Variants in PLXNA4 observed in about 807,000 individuals in gnomAD.
PLXNA4 encodes the protein plexin A4, also known as plexin-A4.
Under a neutral mutation model 191.8 loss-of-function variants are expected in PLXNA4, and 44 were observed. The ratio of observed to expected loss-of-function variants is 0.23; its 90% CI spans 0.18 to 0.29. The LOEUF (loss-of-function observed/expected upper bound fraction) is 0.29, where lower values mean the gene tolerates loss of function less well. Ranked by LOEUF, PLXNA4 falls within the 10% of genes least tolerant of loss-of-function variation. PLXNA4 has a pLI of 1.00. For synonymous variants in PLXNA4, 1,082 were observed against 1,009.5 expected, an observed-to-expected ratio of 1.07 and a Z score of -1.36; for missense variants, 1,800 against 2,488.8, an observed-to-expected ratio of 0.72 and a Z score of 5.89.
chr7:132,154,989 C>G (rs1297059343), intron 25 of PLXNA4, among the ~76,000 whole-genome samples: 1 of 152,184 alleles, frequency 6.6e-6, no homozygotes, highest in African/African-American at 2.4e-5. Flanking sequence ...AAAATGCAAA[C>G]TGGGGAGACA....
intron 8 of PLXNA4, among the ~76,000 whole-genome samples, chr7:132,225,622 C>G (rs1224573727): frequency 1.3e-5 from 2 of 150,612 alleles, no homozygotes; most frequent in South Asian, 2.1e-4. Flanking sequence ...GTCCGCCCCC[C>G]CCCACAGCTT....
rs146065073 is a variant in PLXNA4, at chr7:132,329,965, T to G, written c.1372-31743A>C. 2.1e-4 allele frequency among the ~76,000 whole-genome samples: 32 copies of G among 152,352 alleles called. 1 individual carries two copies. In the East Asian group the frequency reaches 6.2e-3, roughly 29 times the overall value. ...GTGCTGTCCTGAGCACCACGTACCCTGTCTAAGAGACCTTAACTCTTTAGA... is the reference window on the plus strand; with the variant it reads ...GTGCTGTCCTGAGCACCACGTACCCGGTCTAAGAGACCTTAACTCTTTAGA... On this transcript the variant is annotated intron_variant, in intron 3 of 31. Coordinates refer to ENST00000321063, the MANE Select transcript of PLXNA4 (RefSeq NM_020911.2).
rs193018515 is a variant in PLXNA4 at position 132,130,578 on chromosome 7, C to T, written c.5590-4G>A. ...CGTGGTCCAGAGGTCCAAGGATCTG[C>T]GGAAGGGCCAAGAACAGGGAGATTA... On this transcript the variant is annotated splice_polypyrimidine_tract_variant and splice_region_variant and intron_variant, in intron 31 of 31. Coordinates refer to ENST00000321063, the MANE Select transcript of PLXNA4 (RefSeq NM_020911.2). The T allele has an allele frequency of 8.2e-5, 133 of 1,614,000 alleles. No homozygotes were observed. The highest frequency in any genetic ancestry group is 1.3e-4 in the African/African-American group (10 of 74,996).
chr7:132,447,901 C>T (rs1410156136), intron 3 of PLXNA4, among the ~76,000 whole-genome samples: 1 of 151,872 alleles, frequency 6.6e-6, no homozygotes, highest in Non-Finnish European at 1.5e-5. Context: ...GTCCCAGCTA[C>T]TTAGGAGGCT....
intron 3 of PLXNA4, among the ~76,000 whole-genome samples, chr7:132,477,751 C>T (rs1436952394): frequency 2.6e-4 from 39 of 152,042 alleles, no homozygotes; most frequent in Admixed American, 2.5e-3. Flanking sequence ...GGAAATAGAT[C>T]CAGCTATATT....
chr7:132,608,388 C>T (rs1042680357), intron 2 of PLXNA4, among the ~76,000 whole-genome samples: 21 of 152,216 alleles, frequency 1.4e-4, no homozygotes, highest in African/African-American at 4.3e-4. Flanking sequence ...TTGTTGGGAC[C>T]GTACTCTGTA....
At chr7:132,314,091 G>C (rs1046702649) in intron 3 of PLXNA4, among the ~76,000 whole-genome samples, 1 of 152,090 alleles carries the variant, frequency 6.6e-6, no homozygotes, top group South Asian at 2.1e-4. Flanking sequence ...TCACTTTGAG[G>C]AGCACAGGAA....
intron 1 of PLXNA4, among the ~76,000 whole-genome samples, chr7:132,512,306 C>G (rs1283534273): frequency 2.0e-5 from 3 of 152,230 alleles, no homozygotes; most frequent in Non-Finnish European, 2.9e-5. Flanking sequence ...CATGGCCAAT[C>G]AGCAGCTCTC....
chr7:132,606,774 G>A (rs1802932367), intron 2 of PLXNA4, among the ~76,000 whole-genome samples: 1 of 152,198 alleles, frequency 6.6e-6, no homozygotes, highest in Non-Finnish European at 1.5e-5. Flanking sequence ...AAATTAGGGA[G>A]GAGGGAGCAC....
At chr7:132,280,434 A>T (rs7783394) in intron 4 of PLXNA4, among the ~76,000 whole-genome samples, 1,983 of 152,370 alleles carry the variant, frequency 0.013, 44 homozygotes, top group African/African-American at 0.045. Flanking sequence ...CATATCCGTG[A>T]AAACTGCTCT....
chr7:132,275,604 G>A (rs1395785159), intron 4 of PLXNA4, among the ~76,000 whole-genome samples: 1 of 152,118 alleles, frequency 6.6e-6, no homozygotes, highest in Non-Finnish European at 1.5e-5. Flanking sequence ...TCATACTGTT[G>A]CTGTTTTATC....
rs998318518 is a variant in PLXNA4 at position 132,191,530 on chromosome 7, A to C, written c.2856+2532T>G. On this transcript the variant is annotated intron_variant, in intron 14 of 31. Transcript: ENST00000321063. The stretch of plus-strand genomic sequence containing the variant: ...AGGGCAGAGGCAGCTAAGGTTCAAA[A>C]GAAGCATCAGCTTAGTAAGTTGGAG... Among the ~76,000 whole-genome samples the C allele has an allele frequency of 7.2e-5, 11 of 152,278 alleles. No homozygotes were observed. The East Asian group carries it at 1.5e-3, about 21-fold the overall frequency.
intron 3 of PLXNA4, among the ~76,000 whole-genome samples, chr7:132,475,600 C>G (rs1406877494): frequency 6.6e-6 from 1 of 152,030 alleles, no homozygotes; most frequent in South Asian, 2.1e-4. Flanking sequence ...TCCCCCTTCC[C>G]CTGACCCAAC....
intron 3 of PLXNA4, among the ~76,000 whole-genome samples, chr7:132,473,129 G>A (rs1198335154): frequency 6.6e-6 from 1 of 152,186 alleles, no homozygotes; most frequent in African/African-American, 2.4e-5. Context: ...CCTGCAAAGG[G>A]GGGCAAGGAT....
rs559229983 is a variant in PLXNA4, at chr7:132,203,193, G to C, written c.2395+130C>G. The C allele has an allele frequency of 5.1e-6, 4 of 789,558 alleles. No homozygotes were observed. The African/African-American group carries it at 5.1e-5, about 10-fold the overall frequency. 48.9% of individuals were successfully genotyped at this position (789,558 alleles called of 1,614,324 possible). On this transcript the variant is annotated intron_variant, in intron 11 of 31. Coordinates refer to ENST00000321063, the MANE Select transcript of PLXNA4 (RefSeq NM_020911.2). The stretch of plus-strand genomic sequence containing the variant: ...ATGGTGGAGAGGCTGTGAAGGAGGG[G>C]CTCAGAGGGAGAGGGACAGCCACTA...
intron 3 of PLXNA4, among the ~76,000 whole-genome samples, chr7:132,378,077 C>T (rs1397034326): frequency 6.6e-6 from 1 of 152,168 alleles, no homozygotes. Context: ...ACCCAACCAT[C>T]ACACTCTCCT....
intron 28 of PLXNA4, chr7:132,145,521 G>C: frequency 1.8e-6 from 1 of 551,190 alleles, no homozygotes; most frequent in Non-Finnish European, 3.1e-6. Flanking sequence ...CTGGACCTAC[G>C]TAAGGCTTCC....
intron 3 of PLXNA4, among the ~76,000 whole-genome samples, chr7:132,367,397 G>A (rs1320067277): frequency 6.6e-5 from 10 of 151,996 alleles, no homozygotes; most frequent in Non-Finnish European, 1.3e-4. Context: ...AGTGGGCAGC[G>A]TACCACCCTC....
Position 132,420,313 on chromosome 7 carries a change from A to G in PLXNA4, c.1371+68979T>C, listed in dbSNP as rs145368425. Among the ~76,000 whole-genome samples the G allele has an allele frequency of 3.1e-3, 478 of 152,258 alleles. 4 individuals are homozygous for G. The highest frequency in any genetic ancestry group is 0.011 in the African/African-American group (446 of 41,550). On this transcript the variant is annotated intron_variant, in intron 3 of 31. Coordinates refer to ENST00000321063, the MANE Select transcript of PLXNA4 (RefSeq NM_020911.2). Reference sequence around the variant, plus strand: ...GAAATGTCTCTTTGCTTGTCTACCCATGGGACTGTGATCCAGTAGATTCCT... The same window carrying G: ...GAAATGTCTCTTTGCTTGTCTACCCGTGGGACTGTGATCCAGTAGATTCCT...
Sources: allele counts gnomAD v4.1 joint callset (sites outside exome capture counted in the v4.1 genomes callset), GRCh38; gene constraint gnomAD v4.1.1; transcripts MANE v1.5; gene names NCBI Gene and HGNC (gene_info 2026-07-23, HGNC 2026-07-21).